CCDC66: variants seen among roughly 807,000 people sequenced by gnomAD.
CCDC66 encodes coiled-coil domain containing 66, also known as coiled-coil domain-containing protein 66.
A neutral mutation model predicts 128.3 loss-of-function variants in CCDC66; 133 were observed. The ratio of observed to expected loss-of-function variants is 1.04; its 90% CI spans 0.90 to 1.20. CCDC66 has a LOEUF of 1.20. Among genes scored for constraint, CCDC66 ranks in the 50% most tolerant of loss-of-function variants. The pLI is 0.00. For synonymous variants in CCDC66, 387 were observed against 357.0 expected (o/e 1.08, Z -0.95); for missense variants, 1,126 against 1,075.5 (o/e 1.05, Z -0.66).
At chr3:56,582,845 TTTCTTTATTATTA>T (rs1159609949) in intron 7 of CCDC66, among the ~76,000 whole-genome samples, 13 of 127,882 alleles carry the variant, frequency 1.0e-4, no homozygotes, top group African/African-American at 3.7e-4. Context: ...ACTTCTCAAC[TTTCTTTATTATTA>T]TTATTATTAT....
At position 56,615,990 on chromosome 3, in the gene CCDC66, AG is replaced by A. The variant is rs1316012041; in HGVS notation, c.1781del (p.Ser594MetfsTer4). 3 of 1,596,028 alleles carry A rather than the reference AG, an allele frequency of 1.9e-6. No individual in the cohort carries two copies. The highest frequency in any genetic ancestry group is 2.6e-6 in the Non-Finnish European group (3 of 1,170,894). On this transcript the variant is annotated frameshift_variant, in exon 13 of 18. Transcript: ENST00000394672. LOFTEE classifies it high-confidence loss of function. ...TTCAAGACATGATTCTGATGAAATC[AG>A]TGGTAAAATGAATACATATATGAAT... is the stretch of plus-strand genomic sequence containing the variant. ...SNSRHDSDEI[S>X]GKMNTYMNST...
Position 56,559,597 on chromosome 3 carries a change from A to G in CCDC66, c.102+3A>G, listed in dbSNP as rs747460245. The G allele has an allele frequency of 5.2e-6, 8 of 1,533,908 alleles. No homozygotes were observed. The highest frequency in any genetic ancestry group is 2.5e-5 in the East Asian group (1 of 40,098). ...ATAAATCAAAAATTTCTGTGAAGGT[A>G]AGCCGTATAACTTTGACCTGACCTG... is the stretch of plus-strand genomic sequence containing the variant. On this transcript the variant is annotated splice_donor_region_variant and intron_variant, in intron 3 of 17. Coordinates refer to ENST00000394672, the MANE Select transcript of CCDC66 (RefSeq NM_001141947.3).
In CCDC66 at chr3:56,564,119, G is replaced by A. The variant is rs1209833544; in HGVS notation, c.538G>A (p.Ala180Thr). 1.3e-6 allele frequency: 2 copies of A among 1,580,136 alleles called. No homozygotes were observed. The highest frequency in any genetic ancestry group is 1.7e-6 in the Non-Finnish European group (2 of 1,165,766). Reference sequence around the variant, plus strand: ...TTCCCTGACTGAGAATGGAAAGGAGGCAAAAAGTAAGATTTTTCTAAAGTT... The same window carrying A: ...TTCCCTGACTGAGAATGGAAAGGAGACAAAAAGTAAGATTTTTCTAAAGTT... ...SLSLTENGKE[A>T]KSQYSLYLNS... Residue 180 changes from alanine (A) to threonine (T), a missense_variant, in exon 4 of 18, where the codon GCA (alanine) becomes ACA (threonine). Physicochemically the swap from Ala to Thr is moderately conservative, Grantham distance 58 (BLOSUM62 0). Coordinates refer to ENST00000394672, the MANE Select transcript of CCDC66 (RefSeq NM_001141947.3).
At chr3:56,601,569 G>A (rs919103978) in intron 10 of CCDC66, among the ~76,000 whole-genome samples, 7 of 151,964 alleles carry the variant, frequency 4.6e-5, no homozygotes, top group Admixed American at 3.9e-4. Context: ...TGGGCAATAT[G>A]GTCATTTTCA....
chr3:56,621,375 G>T, intron 17 of CCDC66, 157 bp from the exon 18 acceptor site: 1 of 463,438 alleles, frequency 2.2e-6, no homozygotes. Flanking sequence ...ATATCCAAAT[G>T]AGGTGGTCTA....
At chr3:56,557,935 T>G (rs1165851352) in intron 1 of CCDC66, 1 of 152,262 alleles carries the variant, frequency 6.6e-6, no homozygotes, top group Admixed American at 6.5e-5. Context: ...TTAAGGAGAT[T>G]ACAGTGCAGT....
chr3:56,609,858 T>G (rs2074558472), intron 10 of CCDC66, among the ~76,000 whole-genome samples: 1 of 152,200 alleles, frequency 6.6e-6, no homozygotes, highest in Non-Finnish European at 1.5e-5. Flanking sequence ...AAATACAAAA[T>G]TTGGCTGATA....
intron 15 of CCDC66, 69 bp downstream of exon 15, chr3:56,618,281 G>C: frequency 2.3e-6 from 3 of 1,296,272 alleles, no homozygotes; most frequent in Non-Finnish European, 3.4e-6. Flanking sequence ...AGGGATTCAA[G>C]ATCTGGACAG....
intron 10 of CCDC66, among the ~76,000 whole-genome samples, chr3:56,602,967 T>TG (rs34820159): frequency 2.6e-5 from 4 of 151,322 alleles, no homozygotes; most frequent in Non-Finnish European, 5.9e-5. Flanking sequence ...CCTGAGTAGC[T>TG]GGGACTACAG....
chr3:56,613,657 G>A lies in CCDC66; in HGVS notation c.1473G>A (p.Lys491=), dbSNP rs747859465. The change falls in exon 11 of 18, where the codon AAG becomes AAA. Residue 491 remains lysine (K), a synonymous_variant. Transcript: ENST00000394672. ...AACTGGAGGAAGAGCAAAGAAAGAA[G>A]GAAGAACAAGAAGAGGAGCTTCGCT... ...KKQLEEEQRK[K]EEQEEELRLA... 1 of 1,613,948 alleles carries A rather than the reference G, an allele frequency of 6.2e-7. No homozygotes were observed. The highest frequency in any genetic ancestry group is 8.5e-7 in the Non-Finnish European group (1 of 1,179,908).
intron 8 of CCDC66, 38 bp downstream of exon 8, chr3:56,593,139 AAAATC>A (rs2071243356): frequency 6.8e-7 from 1 of 1,463,806 alleles, no homozygotes; most frequent in Non-Finnish European, 9.3e-7. Context: ...AAGAAAAAAT[AAAATC>A]AAAGTCTTTA....
At chr3:56,575,524 C>T (rs2067238990) in intron 7 of CCDC66, among the ~76,000 whole-genome samples, 1 of 151,684 alleles carries the variant, frequency 6.6e-6, no homozygotes, top group African/African-American at 2.4e-5. Flanking sequence ...TGTTTTCTCC[C>T]ATTCTGTGAG....
intron 6 of CCDC66, among the ~76,000 whole-genome samples, chr3:56,568,787 T>G (rs1436082674): frequency 6.6e-6 from 1 of 152,250 alleles, no homozygotes; most frequent in East Asian, 1.9e-4. Flanking sequence ...TATTGCTTTC[T>G]TTCAGCTTTG....
intron 7 of CCDC66, chr3:56,572,363 G>C (rs746778556): frequency 1.0e-5 from 13 of 1,289,504 alleles, no homozygotes; most frequent in South Asian, 2.5e-5. Flanking sequence ...TCACAGTCTC[G>C]TAGCCAGGTT....
At chr3:56,569,205 TAAG>T (rs79246943) in intron 6 of CCDC66, 9,626 of 170,796 alleles carry the variant, frequency 0.056, 629 homozygotes, top group East Asian at 0.3. Flanking sequence ...GCAGCAGAAA[TAAG>T]GAGTGAATTG....
intron 7 of CCDC66, among the ~76,000 whole-genome samples, chr3:56,585,771 A>G (rs2069581708): frequency 6.6e-6 from 1 of 151,894 alleles, no homozygotes; most frequent in Non-Finnish European, 1.5e-5. Context: ...TAAAGAGAAC[A>G]TAGACATACT....
In CCDC66 at chr3:56,569,379, T is replaced by C. The variant is rs775792937; in HGVS notation, c.815-1802T>C. The stretch of plus-strand genomic sequence containing the variant: ...TTCTGGTGAGGCCTCAGGAAGCTTT[T>C]ACTCACGGTGGAAGGCAAAGGGGGA... On this transcript the variant is annotated intron_variant, in intron 6 of 17. Transcript: ENST00000394672. 250 of 322,284 alleles carry C rather than the reference T, an allele frequency of 7.8e-4. 1 individual carries two copies. Among genetic ancestry groups the C allele is most frequent in the South Asian group, 1.2e-3 (45 of 37,946 alleles). The allele number at this position is 322,284 out of a possible 1,614,324, so 20.0% of individuals were successfully genotyped here.
intron 3 of CCDC66, chr3:56,561,394 AG>A: frequency 2.5e-6 from 1 of 393,004 alleles, no homozygotes; most frequent in Non-Finnish European, 5.0e-6. Flanking sequence ...CCTATAATAA[AG>A]TTACTAGTCT....
chr3:56,618,250 G>A (rs1559782160), intron 15 of CCDC66, 38 bp downstream of exon 15: 1 of 1,570,932 alleles, frequency 6.4e-7, no homozygotes, highest in South Asian at 1.1e-5. Flanking sequence ...GCTACTTAAT[G>A]CTTTCTATGT....
Sources: allele counts gnomAD v4.1 joint callset (sites outside exome capture counted in the v4.1 genomes callset), GRCh38; gene constraint gnomAD v4.1.1; transcripts MANE v1.5; gene names NCBI Gene and HGNC (gene_info 2026-07-23, HGNC 2026-07-21).